Variants in SLCO1C1 observed in about 807,000 individuals in gnomAD.
SLCO1C1 encodes the protein solute carrier organic anion transporter family member 1C1, also known as OAT-RP-5.
SLCO1C1 carries 70 observed loss-of-function variants against 76.4 expected under a neutral mutation model. That is an observed-to-expected ratio of 0.92 (90% CI 0.76 to 1.12). The LOEUF is 1.12. Ranked by LOEUF, SLCO1C1 falls within the 50% of genes most tolerant of loss-of-function variation. The pLI, the probability that SLCO1C1 is intolerant of heterozygous loss-of-function variation, is 0.00. For missense variants in SLCO1C1, 912 were observed against 823.8 expected, an observed-to-expected ratio of 1.11 and a Z score of -1.31; for synonymous variants, 306 against 286.1, an observed-to-expected ratio of 1.07 and a Z score of -0.70.
Position 20,743,498 on chromosome 12 carries a change from A to G in SLCO1C1, c.1798+129A>G, listed in dbSNP as rs1948912784. 4 of 601,366 alleles carry G rather than the reference A, an allele frequency of 6.7e-6. No individual in the cohort carries two copies. In the South Asian group the frequency reaches 1.2e-4, roughly 18 times the overall value. The allele number at this position is 601,366 out of a possible 1,614,324, so 37.3% of individuals were successfully genotyped here. ...GGTGGCAAAGTTCATAGTCTTTTTT[A>G]TTCCTTTCTTCATTTCTTTGTTCCC... On this transcript the variant is annotated intron_variant, in intron 13 of 14. Transcript: ENST00000266509.
At chr12:20,740,614 A>G (rs1031008913) in intron 12 of SLCO1C1, among the ~76,000 whole-genome samples, 1 of 151,664 alleles carries the variant, frequency 6.6e-6, no homozygotes, top group African/African-American at 2.4e-5. Context: ...TAGTTTCTAC[A>G]TCACTAGAGT....
intron 3 of SLCO1C1, among the ~76,000 whole-genome samples, chr12:20,704,543 T>C (rs1946686041): frequency 6.6e-6 from 1 of 151,846 alleles, no homozygotes. Context: ...AAATTATTCG[T>C]TTTTTAATAT....
chr12:20,752,210 C>T (rs1949340178), intron 14 of SLCO1C1, 96 bp from the exon 15 acceptor site: 1 of 790,142 alleles, frequency 1.3e-6, no homozygotes, highest in Admixed American at 3.3e-5. Context: ...AATCTACATT[C>T]TTAAAGAAAA....
In SLCO1C1 at chr12:20,743,384, T is replaced by G; in HGVS notation, c.1798+15T>G. 1 of 1,598,612 alleles carries G rather than the reference T, an allele frequency of 6.3e-7. No homozygotes were observed. The highest frequency in any genetic ancestry group is 8.6e-7 in the Non-Finnish European group (1 of 1,167,354). ...AAGAGTTCTTGGTAAGTTTAACCTA[T>G]GCTTTAATTTATGGTAGACACCGTA... On this transcript the variant is annotated intron_variant, in intron 13 of 14. Coordinates refer to ENST00000266509, the MANE Select transcript of SLCO1C1 (RefSeq NM_017435.5).
intron 10 of SLCO1C1, among the ~76,000 whole-genome samples, chr12:20,734,782 A>G (rs1948464953): frequency 6.6e-6 from 1 of 152,234 alleles, no homozygotes; most frequent in African/African-American, 2.4e-5. Context: ...TTGAGTGAGT[A>G]CTAGCCTCTT....
chr12:20,710,167 C>G (rs1947001874), intron 4 of SLCO1C1, among the ~76,000 whole-genome samples: 1 of 148,126 alleles, frequency 6.8e-6, no homozygotes, highest in Admixed American at 6.7e-5. Flanking sequence ...ACATCTTTTC[C>G]TTACCATGCT....
At chr12:20,714,005 T>C (rs1158990665) in intron 5 of SLCO1C1, among the ~76,000 whole-genome samples, 1 of 152,184 alleles carries the variant, frequency 6.6e-6, no homozygotes, top group Non-Finnish European at 1.5e-5. Context: ...TATCATATTT[T>C]TGGAAGCAGA....
At chr12:20,720,814 A>G (rs1031075326) in intron 7 of SLCO1C1, among the ~76,000 whole-genome samples, 3 of 152,146 alleles carry the variant, frequency 2.0e-5, no homozygotes. Context: ...CCTGAGCAGC[A>G]TGGAGAAACC....
At position 20,740,787 on chromosome 12, in the gene SLCO1C1, T is replaced by TATATATATATATATATATA. The variant is rs1565541668; in HGVS notation, c.1733+419_1733+420insATATATATATATATATATA. On this transcript the variant is annotated intron_variant, in intron 12 of 14. Transcript: ENST00000266509. ...ACAACAATGTTAGAATTTATTTTAT[T>TATATATATATATATATATA]TATATATATATATATATATATATAT... is the stretch of plus-strand genomic sequence containing the variant. 2.8e-3 allele frequency among the ~76,000 whole-genome samples: 208 copies of TATATATATATATATATATA among 75,014 alleles called. 18 individuals carry two copies. Among genetic ancestry groups the TATATATATATATATATATA allele is most frequent in the Non-Finnish European group, 3.9e-3 (164 of 41,680 alleles). The allele number at this position is 75,014 out of a possible 152,430, so 49.2% of individuals were successfully genotyped here.
chr12:20,730,935 C>T (rs933169945), intron 9 of SLCO1C1, among the ~76,000 whole-genome samples: 3 of 152,120 alleles, frequency 2.0e-5, no homozygotes, highest in African/African-American at 7.2e-5. Context: ...GAGTTTGCTG[C>T]CCCTCCAGAC....
intron 11 of SLCO1C1, among the ~76,000 whole-genome samples, chr12:20,739,667 T>C (rs1592317423): frequency 6.6e-6 from 1 of 152,246 alleles, no homozygotes; most frequent in East Asian, 1.9e-4. Context: ...GGCATCCAGG[T>C]GCTACATGAT....
At chr12:20,735,797 A>G (rs1456236393) in intron 10 of SLCO1C1, among the ~76,000 whole-genome samples, 1 of 152,166 alleles carries the variant, frequency 6.6e-6, no homozygotes, top group Admixed American at 6.5e-5. Context: ...TGATTAATTT[A>G]TTTCTCCAAA....
At chr12:20,724,890 AAAT>A (rs1368117254) in intron 9 of SLCO1C1, among the ~76,000 whole-genome samples, 1 of 145,548 alleles carries the variant, frequency 6.9e-6, no homozygotes, top group Non-Finnish European at 1.5e-5. Flanking sequence ...TATACTATGA[AAAT>A]AATTATACAT....
intron 2 of SLCO1C1, 102 bp from the exon 3 acceptor site, chr12:20,701,216 T>C: frequency 8.8e-7 from 1 of 1,140,998 alleles, no homozygotes; most frequent in South Asian, 2.8e-5. Flanking sequence ...ATATTATACA[T>C]TGTTCTTTGT....
rs765368810 is a variant in SLCO1C1, at chr12:20,711,523, T to G, written c.529+13T>G. On this transcript the variant is annotated intron_variant, in intron 5 of 14. Transcript: ENST00000266509. ...AAAATAAGTAACGGTAAGATCATTT[T>G]TTTGACTTGACTAAACAAGCTTTTA... 1 of 1,612,184 alleles carries G rather than the reference T, an allele frequency of 6.2e-7. No individual in the cohort carries two copies. Among genetic ancestry groups the G allele is most frequent in the South Asian group, 1.1e-5 (1 of 90,632 alleles).
chr12:20,732,891 A>G lies in SLCO1C1; in HGVS notation c.1187-18A>G, dbSNP rs1186563315. 1.2e-6 allele frequency: 2 copies of G among 1,612,216 alleles called. No homozygotes were observed. Among genetic ancestry groups the G allele is most frequent in the Non-Finnish European group, 8.5e-7 (1 of 1,179,342 alleles). ...TTTTTAGAGATTCACAAAATGATAT[A>G]TTTTTCTTGTTTCTCAGGGCTCATC... On this transcript the variant is annotated intron_variant, in intron 9 of 14. Transcript: ENST00000266509.
intron 12 of SLCO1C1, 78 bp downstream of exon 12, chr12:20,740,446 GGA>G: frequency 1.5e-6 from 2 of 1,332,050 alleles, no homozygotes; most frequent in Non-Finnish European, 2.1e-6. Flanking sequence ...TTTTTTCTGT[GGA>G]GTCTATGATT....
At chr12:20,733,189 T>C (rs1948377210) in intron 10 of SLCO1C1, 85 bp downstream of exon 10, 1 of 1,252,414 alleles carries the variant, frequency 8.0e-7, no homozygotes, top group African/African-American at 1.5e-5. Context: ...AGGAATTTGA[T>C]TTTTAAACAT....
intron 7 of SLCO1C1, among the ~76,000 whole-genome samples, chr12:20,717,925 A>T (rs909366718): frequency 6.6e-6 from 1 of 151,982 alleles, no homozygotes; most frequent in Non-Finnish European, 1.5e-5. Context: ...AACAAGCGTC[A>T]CTTAAACAAC....
Sources: allele counts gnomAD v4.1 joint callset (sites outside exome capture counted in the v4.1 genomes callset), GRCh38; gene constraint gnomAD v4.1.1; transcripts MANE v1.5; gene names NCBI Gene and HGNC (gene_info 2026-07-23, HGNC 2026-07-21).